RTN4R: variants seen among roughly 807,000 people sequenced by gnomAD.
RTN4R encodes reticulon-4 receptor.
RTN4R carries 4 observed loss-of-function variants against 27.7 expected under a neutral mutation model. That is an observed-to-expected ratio of 0.14 (90% CI 0.07 to 0.33). RTN4R has a LOEUF of 0.33. Ranked by LOEUF, RTN4R falls within the 10% of genes least tolerant of loss-of-function variation. The probability of loss-of-function intolerance (pLI) is 1.00; values close to 1 mark genes in which losing one functional copy is unlikely to be tolerated. For missense variants in RTN4R, 554 were observed against 671.5 expected, an observed-to-expected ratio of 0.83 and a Z score of 1.93; for synonymous variants, 290 against 305.6, an observed-to-expected ratio of 0.95 and a Z score of 0.53.
At chr22:20,243,489 C>T (rs1230662714) in intron 1 of RTN4R, 3 of 513,194 alleles carry the variant, frequency 5.8e-6, no homozygotes, top group African/African-American at 5.8e-5. Context: ...TTGCAGGAGT[C>T]CCCGGGGGGT....
chr22:20,257,011 C>G (rs2051215751), intron 1 of RTN4R, among the ~76,000 whole-genome samples: 1 of 152,244 alleles, frequency 6.6e-6, no homozygotes, highest in African/African-American at 2.4e-5. Context: ...GCACCCTGGG[C>G]TTTGGGCTCC....
chr22:20,265,935 G>A (rs1158755269), intron 1 of RTN4R, among the ~76,000 whole-genome samples: 1 of 152,224 alleles, frequency 6.6e-6, no homozygotes, highest in Non-Finnish European at 1.5e-5. Flanking sequence ...GAGGCAGAGA[G>A]GCGACCTGTC....
rs117955118 is a variant in RTN4R at position 20,242,617 on chromosome 22, G to C, written c.516C>G (p.Asp172Glu). 3.3e-5 allele frequency: 54 copies of C among 1,612,056 alleles called. No homozygotes were observed. The East Asian group carries it at 1.2e-3, about 35-fold the overall frequency. Residue 172 changes from aspartate to glutamate, a missense_variant, in exon 2 of 2, where the codon GAC becomes GAG. By Grantham distance (45) the Asp-to-Glu change is conservative. This residue lies in a region of RTN4R where 413 missense variants were observed against 542.3 expected (regional missense o/e 0.76). Coordinates refer to ENST00000043402, the MANE Select transcript of RTN4R (RefSeq NM_023004.6). ...QDNALQALPD[D>E]TFRDLGNLTH... ...TGAGGTTGCCCAGGTCGCGGAAGGT[G>C]TCATCAGGCAGTGCCTGCAGCGCGT...
At chr22:20,263,999 C>G (rs535366755) in intron 1 of RTN4R, among the ~76,000 whole-genome samples, 1 of 114,780 alleles carries the variant, frequency 8.7e-6, no homozygotes, top group Non-Finnish European at 1.8e-5. Flanking sequence ...ATCACCTACC[C>G]GGCCAGCCCA....
intron 1 of RTN4R, among the ~76,000 whole-genome samples, chr22:20,263,316 C>T (rs1469963113): frequency 6.6e-6 from 1 of 152,198 alleles, no homozygotes; most frequent in Non-Finnish European, 1.5e-5. Context: ...GCACACCAGG[C>T]CCTGAGGTAC....
At chr22:20,243,293 C>T (rs1234338351) in intron 1 of RTN4R, 183 bp from the exon 2 acceptor site, 9 of 683,396 alleles carry the variant, frequency 1.3e-5, no homozygotes, top group Admixed American at 8.7e-5. Context: ...GCCTCATGGA[C>T]GATGCTGGGC....
At chr22:20,267,722 T>C (rs1402915740) in intron 1 of RTN4R, 2 of 423,558 alleles carry the variant, frequency 4.7e-6, no homozygotes, top group Non-Finnish European at 9.7e-6. Context: ...CGTTAACCCC[T>C]TGGTGGCCGG....
intron 1 of RTN4R, 80 bp downstream of exon 1, chr22:20,267,991 C>A: frequency 1.2e-6 from 1 of 855,324 alleles, no homozygotes; most frequent in Non-Finnish European, 1.5e-6. Flanking sequence ...GGGACGGGCC[C>A]TGCGGCTCCG....
In RTN4R at chr22:20,243,315, T is replaced by C. The variant is rs562377116; in HGVS notation, c.23-205A>G. 242 of 695,778 alleles carry C rather than the reference T, an allele frequency of 3.5e-4. 5 individuals are homozygous for C. In the South Asian group the frequency reaches 3.7e-3, roughly 11 times the overall value. The allele number at this position is 695,778 out of a possible 1,614,324, so 43.1% of individuals were successfully genotyped here. A position where few individuals can be genotyped will look rare whatever the true frequency, so the allele number is the denominator to read the frequency against. ...GGACGATGCTGGGCTAGAACATGCC[T>C]TGGAGCCATGCACTCCACCCTGGAA... On this transcript the variant is annotated intron_variant, in intron 1 of 1. Transcript: ENST00000043402.
intron 1 of RTN4R, chr22:20,243,507 G>T: frequency 2.0e-6 from 1 of 497,930 alleles, no homozygotes; most frequent in South Asian, 1.5e-5. Flanking sequence ...GGTCCCAGTG[G>T]GGGTTCCACC....
At chr22:20,251,482 A>T (rs1169228872) in intron 1 of RTN4R, among the ~76,000 whole-genome samples, 1 of 152,066 alleles carries the variant, frequency 6.6e-6, no homozygotes, top group Non-Finnish European at 1.5e-5. Context: ...CCTTGTTATC[A>T]TCATTGTAAA....
intron 1 of RTN4R, among the ~76,000 whole-genome samples, chr22:20,263,135 G>T (rs979563161): frequency 5.3e-5 from 8 of 152,200 alleles, no homozygotes; most frequent in African/African-American, 1.9e-4. Context: ...TTTGCACATC[G>T]CCTCAAATTG....
intron 1 of RTN4R, among the ~76,000 whole-genome samples, chr22:20,248,178 T>C (rs1268609926): frequency 1.3e-5 from 2 of 152,180 alleles, no homozygotes; most frequent in African/African-American, 2.4e-5. Context: ...AATCCAACCA[T>C]ATGCTACTTA....
At chr22:20,244,016 G>C (rs533316740) in intron 1 of RTN4R, among the ~76,000 whole-genome samples, 217 of 152,328 alleles carry the variant, frequency 1.4e-3, no homozygotes, top group Middle Eastern at 0.01. Context: ...CCACTCCGGA[G>C]TAAGCTTTCC....
At chr22:20,248,382 C>G (rs930128234) in intron 1 of RTN4R, among the ~76,000 whole-genome samples, 2 of 152,208 alleles carry the variant, frequency 1.3e-5, no homozygotes, top group Non-Finnish European at 2.9e-5. Flanking sequence ...GCTCCACAGT[C>G]CTGTTTCCAG....
rs1003306372 is a variant in RTN4R at position 20,255,953 on chromosome 22, T to C, written c.22+12118A>G. On this transcript the variant is annotated intron_variant, in intron 1 of 1. Coordinates refer to ENST00000043402, the MANE Select transcript of RTN4R (RefSeq NM_023004.6). The surrounding 1 kb of genome is among the most constrained non-coding windows in gnomAD (Gnocchi z 4.8). Reference sequence around the variant, plus strand: ...CGACGTGAATAAGTAATTGCTCTTTTATTAACAAGTGATAAATTATTCCTA... The same window carrying C: ...CGACGTGAATAAGTAATTGCTCTTTCATTAACAAGTGATAAATTATTCCTA... Among the ~76,000 whole-genome samples the C allele has an allele frequency of 1.3e-5, 2 of 152,272 alleles. No homozygotes were observed. The highest frequency in any genetic ancestry group is 2.9e-5 in the Non-Finnish European group (2 of 68,046).
At chr22:20,260,466 G>A (rs1237918065) in intron 1 of RTN4R, among the ~76,000 whole-genome samples, 1 of 152,152 alleles carries the variant, frequency 6.6e-6, no homozygotes, top group Non-Finnish European at 1.5e-5. Flanking sequence ...CAGGTTCCTG[G>A]TGGCATGCGT....
Position 20,255,591 on chromosome 22 carries a change from G to A in RTN4R, c.22+12480C>T, listed in dbSNP as rs777699579. 6.6e-5 allele frequency among the ~76,000 whole-genome samples: 10 copies of A among 152,248 alleles called. No individual in the cohort carries two copies. The highest frequency in any genetic ancestry group is 1.2e-4 in the Non-Finnish European group (8 of 68,040). Reference sequence around the variant, plus strand: ...CCAACTCTGTGCTTGGGCCTTCCCTGCAGGCCAGGCAGCTGCTTCCCTGAA... The same window carrying A: ...CCAACTCTGTGCTTGGGCCTTCCCTACAGGCCAGGCAGCTGCTTCCCTGAA... On this transcript the variant is annotated intron_variant, in intron 1 of 1. Transcript: ENST00000043402. The surrounding 1 kb of genome is among the most constrained non-coding windows in gnomAD (Gnocchi z 4.8).
At chr22:20,261,313 GC>G (rs985865346) in intron 1 of RTN4R, among the ~76,000 whole-genome samples, 1 of 152,190 alleles carries the variant, frequency 6.6e-6, no homozygotes, top group Non-Finnish European at 1.5e-5. Flanking sequence ...AGGCCCTAAG[GC>G]CCCAATCACT....
Sources: gnomAD v4.1 joint callset for allele counts (sites outside exome capture counted in the v4.1 genomes callset) on GRCh38, gnomAD v4.1.1 for gene constraint, gnomAD v4.1.1 regional missense constraint, Gnocchi (gnomAD v3.1) non-coding constraint, MANE v1.5 for transcripts, NCBI Gene and HGNC (gene_info 2026-07-23, HGNC 2026-07-21) for gene names.